Variants in LRP5 observed in about 807,000 individuals in gnomAD.
LRP5 encodes the protein LDL receptor related protein 5, also known as low-density lipoprotein receptor-related protein 5.
A neutral mutation model predicts 154.1 loss-of-function variants in LRP5; 62 were observed. That is an observed-to-expected ratio of 0.40 (90% CI 0.33 to 0.50). The LOEUF (loss-of-function observed/expected upper bound fraction) is 0.50, where lower values mean the gene tolerates loss of function less well. Among genes scored for constraint, LRP5 ranks in the 20% least tolerant of loss-of-function variants. The pLI is 0.55. For missense variants in LRP5, 1,915 were observed against 2,336.7 expected, an observed-to-expected ratio of 0.82 and a Z score of 3.72; for synonymous variants, 966 against 1,011.5, an observed-to-expected ratio of 0.96 and a Z score of 0.85.
At chr11:68,324,073 G>T (rs1488647912) in intron 1 of LRP5, among the ~76,000 whole-genome samples, 1 of 152,202 alleles carries the variant, frequency 6.6e-6, no homozygotes, top group Non-Finnish European at 1.5e-5. Flanking sequence ...CCGTGGGCTT[G>T]TGGTGGCTTT....
At chr11:68,366,415 G>A (rs151091320) in intron 5 of LRP5, among the ~76,000 whole-genome samples, 3 of 152,238 alleles carry the variant, frequency 2.0e-5, no homozygotes, top group Admixed American at 6.5e-5. Context: ...CCTGGCATCC[G>A]GTGGATGGAG....
intron 13 of LRP5, among the ~76,000 whole-genome samples, chr11:68,419,287 C>T (rs1371245646): frequency 6.6e-6 from 1 of 152,140 alleles, no homozygotes; most frequent in Non-Finnish European, 1.5e-5. Context: ...GGCTGGAGTG[C>T]AGTGGTGCGA....
At chr11:68,443,506 A>G (rs2098679324) in intron 21 of LRP5, among the ~76,000 whole-genome samples, 5 of 98,686 alleles carry the variant, frequency 5.1e-5, no homozygotes, top group Non-Finnish European at 9.4e-5. Context: ...AAAAAAAAAA[A>G]AGAAAAGAAA....
chr11:68,429,395 G>C (rs1331020102), intron 16 of LRP5, among the ~76,000 whole-genome samples, 180 bp from the exon 17 acceptor site: 1 of 152,176 alleles, frequency 6.6e-6, no homozygotes, highest in Non-Finnish European at 1.5e-5. Flanking sequence ...GTCAATTTCC[G>C]TGTCAGTAGG....
chr11:68,346,834 A>G (rs1458977767), intron 1 of LRP5, among the ~76,000 whole-genome samples: 1 of 152,112 alleles, frequency 6.6e-6, no homozygotes, highest in Non-Finnish European at 1.5e-5. Context: ...TTCACTCCTC[A>G]TGTGGCTTCT....
At chr11:68,420,943 G>T (rs2098665187) in intron 13 of LRP5, among the ~76,000 whole-genome samples, 1 of 151,588 alleles carries the variant, frequency 6.6e-6, no homozygotes, top group African/African-American at 2.4e-5. Context: ...TGAAAGCTCA[G>T]GGGCCGGGCG....
At chr11:68,372,014 G>A (rs2098634287) in intron 5 of LRP5, among the ~76,000 whole-genome samples, 1 of 152,224 alleles carries the variant, frequency 6.6e-6, no homozygotes, top group Non-Finnish European at 1.5e-5. Flanking sequence ...CTGTGGTGAG[G>A]GCTCTGGAGC....
chr11:68,375,380 C>G (rs2098636774), intron 5 of LRP5, among the ~76,000 whole-genome samples: 1 of 152,234 alleles, frequency 6.6e-6, no homozygotes, highest in South Asian at 2.1e-4. Flanking sequence ...CTACCTTTTA[C>G]CGCCTATTCC....
chr11:68,409,295 T>C (rs963985342), intron 9 of LRP5, among the ~76,000 whole-genome samples: 37 of 142,698 alleles, frequency 2.6e-4, no homozygotes, highest in East Asian at 5.9e-4. Context: ...AAATAATATA[T>C]AATACATACT....
intron 5 of LRP5, among the ~76,000 whole-genome samples, chr11:68,372,932 A>C (rs1015817008): frequency 6.6e-6 from 1 of 152,056 alleles, no homozygotes; most frequent in African/African-American, 2.4e-5. Flanking sequence ...GCTGTGTCAG[A>C]ATCACTCAGA....
At chr11:68,403,166 A>G (rs960705225) in intron 7 of LRP5, among the ~76,000 whole-genome samples, 25 of 152,210 alleles carry the variant, frequency 1.6e-4, no homozygotes, top group Admixed American at 2.6e-4. Flanking sequence ...AATCGCTTGA[A>G]CCTGGGAGGT....
chr11:68,349,323 G>A (rs566770343), intron 2 of LRP5, among the ~76,000 whole-genome samples: 68 of 152,158 alleles, frequency 4.5e-4, no homozygotes, highest in African/African-American at 1.5e-3. Context: ...GTGAACCACC[G>A]TGCCTGGCCC....
chr11:68,322,137 G>A (rs539433990), intron 1 of LRP5, among the ~76,000 whole-genome samples: 6 of 152,334 alleles, frequency 3.9e-5, no homozygotes, highest in East Asian at 3.9e-4. Flanking sequence ...GGGCGTGGCC[G>A]TGCTGCCCTG....
At chr11:68,403,851 A>G (rs2098654072) in intron 8 of LRP5, 152 bp downstream of exon 8, 2 of 856,044 alleles carry the variant, frequency 2.3e-6, no homozygotes, top group Non-Finnish European at 3.6e-6. Context: ...GGCCAAGGAC[A>G]GATGGGAAGG....
At chr11:68,320,308 T>G (rs908897535) in intron 1 of LRP5, among the ~76,000 whole-genome samples, 1 of 152,242 alleles carries the variant, frequency 6.6e-6, no homozygotes, top group East Asian at 1.9e-4. Flanking sequence ...TGGTGTTTTC[T>G]TTGGTCCAGT....
At chr11:68,365,086 A>G (rs2098630204) in intron 4 of LRP5, among the ~76,000 whole-genome samples, 1 of 152,168 alleles carries the variant, frequency 6.6e-6, no homozygotes. Context: ...CATAGCACAA[A>G]GACAAGACAA....
At chr11:68,342,696 CA>C (rs2098609823) in intron 1 of LRP5, among the ~76,000 whole-genome samples, 1 of 152,242 alleles carries the variant, frequency 6.6e-6, no homozygotes, top group Non-Finnish European at 1.5e-5. Flanking sequence ...GCTGTGCCCA[CA>C]GATGTCCCTG....
At chr11:68,346,456 GGGCCATGCTCT>G (rs1164144348) in intron 1 of LRP5, among the ~76,000 whole-genome samples, 3 of 152,226 alleles carry the variant, frequency 2.0e-5, no homozygotes, top group Admixed American at 6.5e-5. Flanking sequence ...GGGGTCTCCT[GGGCCATGCTCT>G]GGCCCTTTGT....
intron 18 of LRP5, among the ~76,000 whole-genome samples, chr11:68,436,313 TGGCTCCCTCTG>T (rs945885244): frequency 2.6e-5 from 4 of 152,010 alleles, no homozygotes; most frequent in African/African-American, 9.7e-5. Flanking sequence ...GGCGTGGCTA[TGGCTCCCTCTG>T]GGTGGGCGTC....
Sources: allele counts gnomAD v4.1 joint callset (sites outside exome capture counted in the v4.1 genomes callset), GRCh38; gene constraint gnomAD v4.1.1; transcripts MANE v1.5; gene names NCBI Gene and HGNC (gene_info 2026-07-23, HGNC 2026-07-21).